Variants in CNGB1 observed in about 807,000 individuals in gnomAD.
CNGB1 encodes the protein cyclic nucleotide gated channel subunit beta 1.
CNGB1 carries 126 observed loss-of-function variants against 151.7 expected under a neutral mutation model. The observed-to-expected ratio is 0.83, with a 90% CI of 0.72 to 0.96. The LOEUF is 0.96. Ranked by LOEUF, CNGB1 falls within the 40% of genes least tolerant of loss-of-function variation. The pLI is 0.00. For missense variants in CNGB1, 1,698 were observed against 1,627.0 expected (o/e 1.04, Z -0.75); for synonymous variants, 623 against 635.1 (o/e 0.98, Z 0.29).
At chr16:57,957,987 C>T (rs1428173614) in intron 11 of CNGB1, among the ~76,000 whole-genome samples, 2 of 152,170 alleles carry the variant, frequency 1.3e-5, no homozygotes, top group East Asian at 1.9e-4. Context: ...AGCTCATGAG[C>T]GCTCCCCCTG....
chr16:57,904,924 G>A (rs1413515899), intron 25 of CNGB1, 49 bp from the exon 26 acceptor site: 7 of 1,612,234 alleles, frequency 4.3e-6, no homozygotes, highest in Non-Finnish European at 5.1e-6. Context: ...GCCCCACTCT[G>A]CCGCCCCGAG....
Position 57,884,036 on chromosome 16 carries a change from A to G in CNGB1, c.*128T>C. On this transcript the variant is annotated 3_prime_UTR_variant, in exon 33 of 33. Coordinates refer to ENST00000251102, the MANE Select transcript of CNGB1 (RefSeq NM_001297.5). The stretch of plus-strand genomic sequence containing the variant: ...GGGACGGTCAGAGCTGCAGCCACTG[A>G]GGTCACGACTACGGAAAAGCATCTT... 7.4e-7 allele frequency: 1 copy of G among 1,359,896 alleles called. No homozygotes were observed. The highest frequency in any genetic ancestry group is 1.0e-6 in the Non-Finnish European group (1 of 959,226). The allele number at this position is 1,359,896 out of a possible 1,614,324, so 84.2% of individuals were successfully genotyped here.
At position 57,892,466 on chromosome 16, in the gene CNGB1, G is replaced by A. The variant is rs147990013; in HGVS notation, c.3243-4392C>T. Among the ~76,000 whole-genome samples, 1,116 of 152,226 alleles carry A rather than the reference G, an allele frequency of 7.3e-3. 13 individuals are homozygous for A. Among genetic ancestry groups the A allele is most frequent in the African/African-American group, 0.026 (1,063 of 41,526 alleles). On this transcript the variant is annotated intron_variant, in intron 31 of 32. Coordinates refer to ENST00000251102, the MANE Select transcript of CNGB1 (RefSeq NM_001297.5). ...CAGTGGGTCCCTTGAGAGCAACCAGGTAAGGTGAGTTTGGGGGCAGCTTCC... is the reference window on the plus strand; with the variant it reads ...CAGTGGGTCCCTTGAGAGCAACCAGATAAGGTGAGTTTGGGGGCAGCTTCC...
intron 8 of CNGB1, 89 bp downstream of exon 8, chr16:57,960,751 G>A: frequency 4.9e-6 from 7 of 1,429,590 alleles, no homozygotes; most frequent in Non-Finnish European, 5.8e-6. Flanking sequence ...GGGTGGGTGG[G>A]GACAGCCTGC....
At chr16:57,914,752 G>A (rs987021713) in intron 23 of CNGB1, among the ~76,000 whole-genome samples, 4 of 152,184 alleles carry the variant, frequency 2.6e-5, no homozygotes, top group Admixed American at 6.5e-5. Context: ...GTGATGAAAC[G>A]GGTGTCTGGC....
At chr16:57,915,481 T>G in intron 22 of CNGB1, 146 bp from the exon 23 acceptor site, 1 of 701,322 alleles carries the variant, frequency 1.4e-6, no homozygotes. Flanking sequence ...GCAGAAGGTG[T>G]CCCACCGACA....
intron 15 of CNGB1, among the ~76,000 whole-genome samples, chr16:57,939,930 A>G (rs1397820275): frequency 6.6e-6 from 1 of 152,160 alleles, no homozygotes; most frequent in African/African-American, 2.4e-5. Flanking sequence ...GGCCCAAGGG[A>G]GGCGTCTGTA....
chr16:57,912,796 T>C (rs1960760901), intron 24 of CNGB1, 134 bp downstream of exon 24: 2 of 874,510 alleles, frequency 2.3e-6, no homozygotes, highest in Non-Finnish European at 3.7e-6. Context: ...TGTATGTGTG[T>C]ATGTTGTGTG....
chr16:57,932,128 A>C (rs549147589), intron 16 of CNGB1, among the ~76,000 whole-genome samples: 78 of 152,256 alleles, frequency 5.1e-4, no homozygotes, highest in South Asian at 1.0e-3. Flanking sequence ...AAACCACGGG[A>C]GCTCCCCTAC....
intron 18 of CNGB1, 54 bp downstream of exon 18, chr16:57,923,213 CCCACAT>C: frequency 9.2e-6 from 12 of 1,302,220 alleles, no homozygotes; most frequent in Non-Finnish European, 1.1e-5. Flanking sequence ...CACTAGCCCC[CCCACAT>C]CCCCCACCCT....
rs1959783855 is a variant in CNGB1 at position 57,882,575 on chromosome 16, G to C, written c.*1589C>G. The stretch of plus-strand genomic sequence containing the variant: ...TTTGCAAACCTTCAAAGGCCTCTGA[G>C]CAGCTCACATTTTCCTGTAATTTTA... On this transcript the variant is annotated 3_prime_UTR_variant, in exon 33 of 33. Transcript: ENST00000251102. 6.6e-6 allele frequency: 1 copy of C among 152,062 alleles called. No individual in the cohort carries two copies. Among genetic ancestry groups the C allele is most frequent in the African/African-American group, 2.4e-5 (1 of 41,386 alleles). The allele number at this position is 152,062 out of a possible 1,614,324, so 9.4% of individuals were successfully genotyped here.
chr16:57,964,068 C>T, intron 4 of CNGB1, 62 bp downstream of exon 4: 2 of 1,534,636 alleles, frequency 1.3e-6, no homozygotes, highest in East Asian at 4.5e-5. Flanking sequence ...CCAGGGCTCC[C>T]TAGCTGGGAG....
At chr16:57,949,663 G>A (rs1019050528) in intron 13 of CNGB1, among the ~76,000 whole-genome samples, 1 of 152,172 alleles carries the variant, frequency 6.6e-6, no homozygotes, top group Non-Finnish European at 1.5e-5. Context: ...TGTCCTGGTG[G>A]TGACCCTAGG....
intron 29 of CNGB1, 114 bp downstream of exon 29, chr16:57,901,238 C>T: frequency 9.7e-7 from 1 of 1,034,218 alleles, no homozygotes; most frequent in East Asian, 2.4e-5. Context: ...GCTCTTCTCC[C>T]TCCCCAACAA....
At chr16:57,964,994 T>C (rs370089506) in intron 2 of CNGB1, among the ~76,000 whole-genome samples, 55 of 152,344 alleles carry the variant, frequency 3.6e-4, no homozygotes, top group African/African-American at 1.3e-3. Context: ...AGTAGCTAGG[T>C]GGAGTTTGGT....
intron 30 of CNGB1, 73 bp downstream of exon 30, chr16:57,897,723 C>T (rs1270541269): frequency 1.5e-5 from 23 of 1,548,226 alleles, no homozygotes; most frequent in South Asian, 1.1e-4. Flanking sequence ...CGTAGACACT[C>T]GCACTGCCCG....
At chr16:57,961,825 CTAAT>C (rs1393876872) in intron 7 of CNGB1, among the ~76,000 whole-genome samples, 1 of 152,226 alleles carries the variant, frequency 6.6e-6, no homozygotes, top group East Asian at 1.9e-4. Flanking sequence ...AGCCAGCAGT[CTAAT>C]GAATGAATGA....
At position 57,904,842 on chromosome 16, in the gene CNGB1, G is replaced by A. The variant is rs185729258; in HGVS notation, c.2526C>T (p.Thr842=). ...CAGGCAGCCCCCCGATGGTGATGAG[G>A]GTCTTCACAGCAAAGTAGTAACAGC... ...YIRCYYFAVK[T]LITIGGLPDP... Residue 842 remains threonine (T), a synonymous_variant, in exon 26 of 33, where the codon ACC becomes ACT. Coordinates refer to ENST00000251102, the MANE Select transcript of CNGB1 (RefSeq NM_001297.5). 292 of 1,614,154 alleles carry A rather than the reference G, an allele frequency of 1.8e-4. No homozygotes were observed. The African/African-American group carries it at 2.6e-3, about 14-fold the overall frequency.
chr16:57,902,346 C>T (rs692055), intron 27 of CNGB1, among the ~76,000 whole-genome samples: 124,818 of 151,610 alleles, frequency 0.82, 51,828 homozygotes, highest in East Asian at 0.99. Context: ...GCTGGGATTA[C>T]AGGAGTGAGC....
Sources: allele counts gnomAD v4.1 joint callset (sites outside exome capture counted in the v4.1 genomes callset), GRCh38; gene constraint gnomAD v4.1.1; transcripts MANE v1.5; gene names NCBI Gene and HGNC (gene_info 2026-07-23, HGNC 2026-07-21).